The following ZFPM1 variants were observed in gnomAD, a reference collection of about 807,000 sequenced individuals.
ZFPM1 encodes the protein zinc finger protein ZFPM1.
Under a neutral mutation model 46.3 loss-of-function variants are expected in ZFPM1, and 28 were observed. That is an observed-to-expected ratio of 0.60 (90% CI 0.45 to 0.83). The LOEUF is 0.83. ZFPM1 is among the 40% of genes least tolerant of loss of function. The pLI is 0.00. For synonymous variants in ZFPM1, 957 were observed against 675.9 expected (o/e 1.42, Z -6.45); for missense variants, 1,878 against 1,432.4 (o/e 1.31, Z -5.02).
At chr16:88,475,521 G>A (rs903491420) in intron 1 of ZFPM1, among the ~76,000 whole-genome samples, 2 of 151,950 alleles carry the variant, frequency 1.3e-5, no homozygotes, top group South Asian at 2.1e-4. Flanking sequence ...TCCGGGGGGG[G>A]GAGCACAGCC....
chr16:88,478,542 C>A (rs573833452), intron 1 of ZFPM1, among the ~76,000 whole-genome samples: 54 of 152,390 alleles, frequency 3.5e-4, no homozygotes, highest in African/African-American at 1.3e-3. Flanking sequence ...TCCTGCCTCC[C>A]GCAGGGCTCA....
Position 88,536,150 on chromosome 16 carries a change from C to G in ZFPM1, c.*1171C>G, listed in dbSNP as rs1913237561. The G allele has an allele frequency of 1.3e-5, 2 of 151,974 alleles. No homozygotes were observed. Among genetic ancestry groups the G allele is most frequent in the South Asian group, 4.2e-4 (2 of 4,816 alleles). 9.4% of individuals were successfully genotyped at this position (151,974 alleles called of 1,614,324 possible). A position where few individuals can be genotyped will look rare whatever the true frequency, so the allele number is the denominator to read the frequency against. The stretch of plus-strand genomic sequence containing the variant: ...TTTGTGTTTTTTGTAGAAATGGTGT[C>G]TCCCTATGTTGCCCAGGCTGGGCAA... On this transcript the variant is annotated 3_prime_UTR_variant, in exon 10 of 10. Coordinates refer to ENST00000319555, the MANE Select transcript of ZFPM1 (RefSeq NM_153813.3).
chr16:88,516,316 C>A (rs1005828361), intron 4 of ZFPM1: 1 of 397,800 alleles, frequency 2.5e-6, no homozygotes, highest in African/African-American at 2.1e-5. Context: ...CCTCCCTGTC[C>A]GCCTGCCTCC....
At chr16:88,453,699 G>C (rs1366524783) in intron 1 of ZFPM1, 21 bp downstream of exon 1, 28 of 1,188,994 alleles carry the variant, frequency 2.4e-5, no homozygotes, top group Middle Eastern at 5.7e-4. Flanking sequence ...CTTTGCCCGC[G>C]GTCCCCTCCG....
chr16:88,490,178 C>T (rs9936633), intron 3 of ZFPM1, among the ~76,000 whole-genome samples: 6 of 152,188 alleles, frequency 3.9e-5, no homozygotes, highest in East Asian at 1.9e-4. Context: ...CTCAGCCTCC[C>T]GAGTAGCTGG....
rs1210847760 is a variant in ZFPM1, at chr16:88,533,701, G to A, written c.1743G>A (p.Glu581=). The change falls in exon 10 of 10, where the codon GAG becomes GAA. Residue 581 remains glutamate (E), a synonymous_variant. Coordinates refer to ENST00000319555, the MANE Select transcript of ZFPM1 (RefSeq NM_153813.3). ...CCCCCAAGGGCGCTACGTGCTTCGAGTGCGAGATCACCTTCAGCAACGTCA... is the reference window on the plus strand; with the variant it reads ...CCCCCAAGGGCGCTACGTGCTTCGAATGCGAGATCACCTTCAGCAACGTCA... The part of the protein sequence containing the change: ...PGAPKGATCF[E]CEITFSNVNN... 8 of 1,512,200 alleles carry A rather than the reference G, an allele frequency of 5.3e-6. No homozygotes were observed. Among genetic ancestry groups the A allele is most frequent in the Admixed American group, 3.9e-5 (2 of 51,562 alleles). The allele number at this position is 1,512,200 out of a possible 1,614,324, so 93.7% of individuals were successfully genotyped here.
intron 1 of ZFPM1, among the ~76,000 whole-genome samples, chr16:88,484,062 G>C (rs571330904): frequency 6.6e-6 from 1 of 152,164 alleles, no homozygotes; most frequent in Non-Finnish European, 1.5e-5. Context: ...CTCCACCTCC[G>C]ACCAGCCCAT....
upstream of ZFPM1, among the ~76,000 whole-genome samples, chr16:88,452,585 T>G (rs1226423915): frequency 1.3e-5 from 2 of 152,220 alleles, no homozygotes; most frequent in East Asian, 3.8e-4. Context: ...GCCCCCTCCC[T>G]GGCCCGAATC....
rs377014907 is a variant in ZFPM1 at position 88,488,976 on chromosome 16, G to A, written c.146-55G>A. ...AGCATCCTTCCCAGCTACAGGGAGG[G>A]GCAGCTCAGTGCCCGGCACTCAGCA... is the stretch of plus-strand genomic sequence containing the variant. On this transcript the variant is annotated intron_variant, in intron 2 of 9. Transcript: ENST00000319555. The A allele has an allele frequency of 4.1e-5, 65 of 1,572,224 alleles. 1 individual carries two copies. The East Asian group carries it at 1.2e-3, about 29-fold the overall frequency.
chr16:88,460,784 G>A (rs1425938270), intron 1 of ZFPM1, among the ~76,000 whole-genome samples: 3 of 152,236 alleles, frequency 2.0e-5, no homozygotes, highest in South Asian at 4.1e-4. Flanking sequence ...CTGGTCCCGC[G>A]TCAGGAAGAG....
chr16:88,460,088 C>T (rs1270945772), intron 1 of ZFPM1, among the ~76,000 whole-genome samples: 1 of 151,956 alleles, frequency 6.6e-6, no homozygotes, highest in South Asian at 2.1e-4. Flanking sequence ...CATACTCTTG[C>T]CCTCTTGGGC....
intron 3 of ZFPM1, among the ~76,000 whole-genome samples, chr16:88,503,942 T>TA (rs5818677): frequency 0.27 from 40,735 of 150,960 alleles, 5,477 homozygotes; most frequent in East Asian, 0.38. Context: ...TTTCCATTCT[T>TA]GGGGGTAGCA....
chr16:88,502,904 G>A (rs916559449), intron 3 of ZFPM1, among the ~76,000 whole-genome samples: 3 of 152,242 alleles, frequency 2.0e-5, no homozygotes, highest in South Asian at 2.1e-4. Context: ...GTGGCCGGAC[G>A]GCAGATCCGG....
chr16:88,467,433 G>A (rs1479371332), intron 1 of ZFPM1, among the ~76,000 whole-genome samples: 2 of 152,212 alleles, frequency 1.3e-5, no homozygotes, highest in East Asian at 3.9e-4. Context: ...CCCACCCAGG[G>A]CTTCTCGAGG....
chr16:88,501,492 C>T lies in ZFPM1; in HGVS notation c.268+12339C>T, dbSNP rs113880077. 1.9e-3 allele frequency among the ~76,000 whole-genome samples: 214 copies of T among 111,588 alleles called. 4 individuals carry two copies. Among genetic ancestry groups the T allele is most frequent in the East Asian group, 6.5e-3 (20 of 3,088 alleles). 73.2% of individuals were successfully genotyped at this position (111,588 alleles called of 152,430 possible). A position where few individuals can be genotyped will look rare whatever the true frequency, so the allele number is the denominator to read the frequency against. Reference sequence around the variant, plus strand: ...AGATAGCAGACATGGGTGCGTGGGCCCTCCCGCAGGTGCTGGTGATGATAG... The same window carrying T: ...AGATAGCAGACATGGGTGCGTGGGCTCTCCCGCAGGTGCTGGTGATGATAG... On this transcript the variant is annotated intron_variant, in intron 3 of 9. Coordinates refer to ENST00000319555, the MANE Select transcript of ZFPM1 (RefSeq NM_153813.3).
intron 4 of ZFPM1, among the ~76,000 whole-genome samples, chr16:88,526,131 G>A (rs920000808): frequency 2.0e-5 from 3 of 152,232 alleles, no homozygotes; most frequent in African/African-American, 7.2e-5. Context: ...CCAGCCTCAG[G>A]GTGGGGACAG....
intron 1 of ZFPM1, among the ~76,000 whole-genome samples, chr16:88,472,322 G>A (rs984366832): frequency 6.6e-6 from 1 of 152,056 alleles, no homozygotes; most frequent in Non-Finnish European, 1.5e-5. Flanking sequence ...GCACAGAGAG[G>A]GTGGCATTTC....
At chr16:88,457,754 G>A (rs1184654155) in intron 1 of ZFPM1, among the ~76,000 whole-genome samples, 1 of 151,958 alleles carries the variant, frequency 6.6e-6, no homozygotes, top group Non-Finnish European at 1.5e-5. Flanking sequence ...GCCTCCCAAA[G>A]CACTGGGGTT....
intron 1 of ZFPM1, among the ~76,000 whole-genome samples, chr16:88,483,730 C>T (rs1352273140): frequency 6.6e-6 from 1 of 152,224 alleles, no homozygotes; most frequent in Non-Finnish European, 1.5e-5. Flanking sequence ...GCACCTGGCA[C>T]CTAGCCCTCG....
Sources: gnomAD v4.1 joint callset for allele counts (sites outside exome capture counted in the v4.1 genomes callset) on GRCh38, gnomAD v4.1.1 for gene constraint, MANE v1.5 for transcripts, NCBI Gene and HGNC (gene_info 2026-07-23, HGNC 2026-07-21) for gene names.